The following SGCD variants were observed in gnomAD, a reference collection of about 807,000 sequenced individuals.
SGCD encodes the protein sarcoglycan delta, also known as delta-sarcoglycan.
A neutral mutation model predicts 36.6 loss-of-function variants in SGCD; 18 were observed. The ratio of observed to expected loss-of-function variants is 0.49; its 90% CI spans 0.34 to 0.73. SGCD has a LOEUF of 0.73. Among genes scored for constraint, SGCD ranks in the 30% least tolerant of loss-of-function variants. The pLI is 0.01. For missense variants in SGCD, 387 were observed against 346.7 expected, an observed-to-expected ratio of 1.12 and a Z score of -0.92; for synonymous variants, 133 against 130.6, an observed-to-expected ratio of 1.02 and a Z score of -0.12.
intron 3 of SGCD, among the ~76,000 whole-genome samples, chr5:156,348,638 G>C (rs1769072407): frequency 6.6e-6 from 1 of 152,190 alleles, no homozygotes; most frequent in Admixed American, 6.5e-5. Flanking sequence ...CCATGCTCAT[G>C]AATTGAATGA....
At chr5:156,468,516 A>G (rs374917217) in intron 3 of SGCD, among the ~76,000 whole-genome samples, 446 of 152,296 alleles carry the variant, frequency 2.9e-3, no homozygotes, top group African/African-American at 0.01. Context: ...TTAAATGACA[A>G]CAGAGAAGGG....
chr5:155,909,984 G>GATA (rs1756598300), intron 1 of SGCD, among the ~76,000 whole-genome samples: 1 of 151,988 alleles, frequency 6.6e-6, no homozygotes, highest in Admixed American at 6.6e-5. Context: ...CATATTAATG[G>GATA]AAGGCTGATG....
chr5:155,781,771 C>T, the SGCD span, among the ~76,000 whole-genome samples: 1 of 151,994 alleles, frequency 6.6e-6, no homozygotes, highest in African/African-American at 2.4e-5. Flanking sequence ...GTGCCTGGCC[C>T]ATTTTCAATT....
Position 156,151,829 on chromosome 5 carries a change from CTTCT to C in SGCD, c.-44+27813_-44+27816del, listed in dbSNP as rs1421867314. Among the ~76,000 whole-genome samples, 110 of 69,048 alleles carry C rather than the reference CTTCT, an allele frequency of 1.6e-3. 1 individual carries two copies. The highest frequency in any genetic ancestry group is 0.011 in the African/African-American group (102 of 9,516). The allele number at this position is 69,048 out of a possible 152,430, so 45.3% of individuals were successfully genotyped here. A position where few individuals can be genotyped will look rare whatever the true frequency, so the allele number is the denominator to read the frequency against. ...CTACATGTTTACATCATTTCTTCTT[CTTCT>C]TTTTTTTTTGGTCTGGAAAGATTCC... is the stretch of plus-strand genomic sequence containing the variant. On this transcript the variant is annotated intron_variant, in intron 3 of 9. Transcript: ENST00000517913.
intron 3 of SGCD, among the ~76,000 whole-genome samples, chr5:156,450,159 A>G (rs1458804545): frequency 6.6e-6 from 1 of 152,154 alleles, no homozygotes; most frequent in Admixed American, 6.6e-5. Context: ...TACTCCTCTC[A>G]GAAAGCTTCG....
chr5:156,754,811 A>G (rs749435708), intron 7 of SGCD, among the ~76,000 whole-genome samples: 5 of 152,224 alleles, frequency 3.3e-5, no homozygotes, highest in Admixed American at 1.3e-4. Flanking sequence ...AAACCCCCCA[A>G]TAACACATAG....
intron 1 of SGCD, among the ~76,000 whole-genome samples, chr5:155,945,239 A>G (rs1361889034): frequency 6.6e-6 from 1 of 152,246 alleles, no homozygotes; most frequent in Non-Finnish European, 1.5e-5. Context: ...CTTGGAGTAG[A>G]CATTCAGTAA....
At chr5:155,836,393 C>G in the SGCD span, among the ~76,000 whole-genome samples, 17 of 152,156 alleles carry the variant, frequency 1.1e-4, no homozygotes, top group East Asian at 3.3e-3. Context: ...CTTTTTTATT[C>G]TGCAAATGAA....
chr5:155,764,934 T>C, the SGCD span, among the ~76,000 whole-genome samples: 1 of 152,166 alleles, frequency 6.6e-6, no homozygotes, highest in Non-Finnish European at 1.5e-5. Flanking sequence ...GGAAGCCATC[T>C]TTTCTTTAAA....
At chr5:156,159,170 A>G (rs866693927) in intron 3 of SGCD, among the ~76,000 whole-genome samples, 7 of 151,660 alleles carry the variant, frequency 4.6e-5, no homozygotes, top group African/African-American at 1.7e-4. Context: ...GGAAGGTCAA[A>G]TGAAATAACC....
At chr5:156,241,359 C>T (rs1765302655) in intron 3 of SGCD, among the ~76,000 whole-genome samples, 1 of 151,500 alleles carries the variant, frequency 6.6e-6, no homozygotes, top group Admixed American at 6.6e-5. Context: ...AAATTGATTT[C>T]TAGTGAATAA....
chr5:156,427,726 G>T (rs963278266), intron 3 of SGCD, among the ~76,000 whole-genome samples: 13 of 151,992 alleles, frequency 8.6e-5, no homozygotes, highest in African/African-American at 3.1e-4. Flanking sequence ...TGCCAATTTT[G>T]TTGAGAGGTT....
At chr5:156,567,224 A>G (rs1316568848) in intron 4 of SGCD, among the ~76,000 whole-genome samples, 1 of 151,956 alleles carries the variant, frequency 6.6e-6, no homozygotes, top group East Asian at 1.9e-4. Context: ...GCTTTTCAAT[A>G]TATTTACTAC....
Position 155,973,416 on chromosome 5 carries a change from T to A in SGCD, c.-282+102992T>A, listed in dbSNP as rs547542348. Among the ~76,000 whole-genome samples, 4 of 152,340 alleles carry A rather than the reference T, an allele frequency of 2.6e-5. No individual in the cohort carries two copies. In the East Asian group the frequency reaches 7.7e-4, roughly 29 times the overall value. On this transcript the variant is annotated intron_variant, in intron 1 of 9. Transcript: ENST00000517913. ...TGTGGCTAAGTCGTGCCAGCACAAG[T>A]GTTAACTTCTTAGAAAGTTTCATGC...
chr5:155,780,020 GA>G, the SGCD span, among the ~76,000 whole-genome samples: 1 of 151,902 alleles, frequency 6.6e-6, no homozygotes, highest in Non-Finnish European at 1.5e-5. Flanking sequence ...TTAATTCACT[GA>G]AAAAAATGTT....
intron 3 of SGCD, among the ~76,000 whole-genome samples, chr5:156,373,230 C>A (rs912176692): frequency 2.6e-5 from 4 of 152,204 alleles, no homozygotes; most frequent in Admixed American, 1.3e-4. Flanking sequence ...GGAACACTTA[C>A]CAATCCAATT....
At chr5:155,789,525 AT>A in the SGCD span, among the ~76,000 whole-genome samples, 1 of 152,138 alleles carries the variant, frequency 6.6e-6, no homozygotes, top group South Asian at 2.1e-4. Flanking sequence ...AGACACCCTG[AT>A]GAACCTGCTT....
chr5:156,007,174 G>GC (rs1226000951), intron 1 of SGCD, among the ~76,000 whole-genome samples: 1 of 152,220 alleles, frequency 6.6e-6, no homozygotes, highest in Non-Finnish European at 1.5e-5. Context: ...GCTGGCAGGA[G>GC]CCCCCCAGAC....
chr5:156,167,753 C>T (rs1054104885), intron 3 of SGCD, among the ~76,000 whole-genome samples: 9 of 152,146 alleles, frequency 5.9e-5, no homozygotes, highest in Non-Finnish European at 1.3e-4. Context: ...GAAATAAATG[C>T]TTTAGAAATA....
Sources: gnomAD v4.1 joint callset for allele counts (sites outside exome capture counted in the v4.1 genomes callset) on GRCh38, gnomAD v4.1.1 for gene constraint, MANE v1.5 for transcripts, NCBI Gene and HGNC (gene_info 2026-07-23, HGNC 2026-07-21) for gene names.